The following NAALADL2 variants were observed in gnomAD, a reference collection of about 807,000 sequenced individuals.
NAALADL2 encodes the protein N-acetylated alpha-linked acidic dipeptidase like 2.
A neutral mutation model predicts 87.2 loss-of-function variants in NAALADL2; 76 were observed. The observed-to-expected ratio is 0.87, with a 90% CI of 0.72 to 1.05. The LOEUF (loss-of-function observed/expected upper bound fraction) is 1.05. Among genes scored for constraint, NAALADL2 ranks in the 50% least tolerant of loss-of-function variants. The pLI is 0.00. For missense variants in NAALADL2, 1,089 were observed against 945.8 expected (o/e 1.15, Z -1.99); for synonymous variants, 354 against 331.0 (o/e 1.07, Z -0.75).
intron 12 of NAALADL2, among the ~76,000 whole-genome samples, chr3:175,739,847 T>C (rs923266499): frequency 5.9e-5 from 9 of 152,192 alleles, no homozygotes; most frequent in Non-Finnish European, 1.5e-5. Flanking sequence ...AGCACTATGC[T>C]CAAACTAATA....
intron 1 of NAALADL2, among the ~76,000 whole-genome samples, chr3:175,031,126 T>G (rs1226532674): frequency 6.6e-6 from 1 of 152,062 alleles, no homozygotes; most frequent in Admixed American, 6.6e-5. Context: ...TTTTAAAATT[T>G]TTTATATTTC....
intron 10 of NAALADL2, among the ~76,000 whole-genome samples, chr3:175,594,650 C>T (rs1722005335): frequency 6.6e-6 from 1 of 152,104 alleles, no homozygotes; most frequent in African/African-American, 2.4e-5. Context: ...CTTTTGTCTG[C>T]ATTTTTGCCA....
intron 3 of NAALADL2, among the ~76,000 whole-genome samples, chr3:174,804,868 A>T (rs951771397): frequency 2.0e-5 from 3 of 152,170 alleles, no homozygotes; most frequent in Admixed American, 2.0e-4. Flanking sequence ...AGTAAAATTA[A>T]ACAAGATGTT....
rs1734938893 is a variant in NAALADL2 at position 174,920,033 on chromosome 3, CTAT to C, written c.43+60584_43+60586del. On this transcript the variant is annotated intron_variant, in intron 1 of 13. Coordinates refer to ENST00000454872, the MANE Select transcript of NAALADL2 (RefSeq NM_207015.3). ...GGCTTGAAATATTCAGTAGACCATG[CTAT>C]AAACATGTATGCTATCATTCAGGCC... Among the ~76,000 whole-genome samples, 6 of 152,272 alleles carry C rather than the reference CTAT, an allele frequency of 3.9e-5. No individual in the cohort carries two copies. The South Asian group carries it at 1.2e-3, about 32-fold the overall frequency.
intron 11 of NAALADL2, among the ~76,000 whole-genome samples, chr3:175,628,958 A>T (rs1440073751): frequency 6.6e-6 from 1 of 150,652 alleles, no homozygotes; most frequent in African/African-American, 2.4e-5. Context: ...TACATTTATT[A>T]TGTTTGGCAA....
chr3:175,520,984 A>T (rs1732576779), intron 9 of NAALADL2, among the ~76,000 whole-genome samples: 1 of 152,142 alleles, frequency 6.6e-6, no homozygotes. Context: ...TGAGAGAGAG[A>T]TGATTGTCTG....
At chr3:175,306,058 A>G (rs1211340001) in intron 4 of NAALADL2, among the ~76,000 whole-genome samples, 6 of 151,630 alleles carry the variant, frequency 4.0e-5, no homozygotes, top group African/African-American at 1.5e-4. Flanking sequence ...TAATTTATCT[A>G]TTTTCTTTTA....
chr3:175,742,054 C>A (rs1745297557), intron 12 of NAALADL2, among the ~76,000 whole-genome samples: 1 of 152,152 alleles, frequency 6.6e-6, no homozygotes, highest in Non-Finnish European at 1.5e-5. Flanking sequence ...ACTCAATTCA[C>A]AATTTACAGG....
chr3:175,548,453 C>A (rs577222843), intron 9 of NAALADL2, among the ~76,000 whole-genome samples: 1 of 151,892 alleles, frequency 6.6e-6, no homozygotes, highest in Admixed American at 6.6e-5. Context: ...CTAATGGGTA[C>A]CAGGCTTAAT....
chr3:175,324,639 G>A (rs1354364031), intron 5 of NAALADL2, among the ~76,000 whole-genome samples: 2 of 152,160 alleles, frequency 1.3e-5, no homozygotes, highest in Non-Finnish European at 2.9e-5. Context: ...AGGTACTCCA[G>A]GTAAGCCAAT....
At chr3:175,751,160 G>A (rs1290902389) in intron 12 of NAALADL2, among the ~76,000 whole-genome samples, 2 of 152,078 alleles carry the variant, frequency 1.3e-5, no homozygotes, top group Admixed American at 6.5e-5. Context: ...TTCACCAGGA[G>A]CAGTGATCTA....
chr3:175,129,514 C>G (rs1354542761), intron 2 of NAALADL2, among the ~76,000 whole-genome samples: 2 of 152,176 alleles, frequency 1.3e-5, no homozygotes, highest in Non-Finnish European at 2.9e-5. Context: ...ATTCTATACT[C>G]TGCTTTTATG....
intron 2 of NAALADL2, among the ~76,000 whole-genome samples, chr3:174,647,965 G>A (rs1471285005): frequency 1.3e-5 from 2 of 152,124 alleles, no homozygotes; most frequent in African/African-American, 4.8e-5. Context: ...ATTTAAAAAT[G>A]CATTTTCCTA....
At chr3:174,445,558 G>C (rs1239549570) in intron 1 of NAALADL2, among the ~76,000 whole-genome samples, 5 of 152,000 alleles carry the variant, frequency 3.3e-5, no homozygotes, top group Admixed American at 3.3e-4. Flanking sequence ...AAATAGATGA[G>C]ACAGCTATAC....
At chr3:175,127,336 A>G (rs1170471634) in intron 2 of NAALADL2, among the ~76,000 whole-genome samples, 1 of 152,128 alleles carries the variant, frequency 6.6e-6, no homozygotes, top group Non-Finnish European at 1.5e-5. Flanking sequence ...TTCTTCTCCT[A>G]TAAGGTATCC....
intron 11 of NAALADL2, chr3:175,655,339 G>T: frequency 5.9e-6 from 1 of 168,860 alleles, no homozygotes; most frequent in Non-Finnish European, 1.3e-5. Context: ...TAATTTTCTT[G>T]CTATTTCTAA....
intron 2 of NAALADL2, among the ~76,000 whole-genome samples, chr3:174,663,794 C>T (rs377725238): frequency 5.6e-5 from 8 of 142,692 alleles, no homozygotes; most frequent in South Asian, 2.2e-4. Flanking sequence ...TTTTTTTTTT[C>T]TTTTTTTTTT....
intron 5 of NAALADL2, among the ~76,000 whole-genome samples, chr3:175,355,159 C>T (rs912044469): frequency 6.6e-6 from 1 of 151,390 alleles, no homozygotes; most frequent in African/African-American, 2.4e-5. Flanking sequence ...GCTCCTGCCT[C>T]CTGGGTTCAA....
intron 1 of NAALADL2, among the ~76,000 whole-genome samples, chr3:174,881,025 GTTC>G (rs1279562697): frequency 6.6e-6 from 1 of 151,940 alleles, no homozygotes; most frequent in Non-Finnish European, 1.5e-5. Flanking sequence ...CTCTCCTTCT[GTTC>G]TTCTCTTTTA....
Sources: gnomAD v4.1 joint callset for allele counts (sites outside exome capture counted in the v4.1 genomes callset) on GRCh38, gnomAD v4.1.1 for gene constraint, MANE v1.5 for transcripts, NCBI Gene and HGNC (gene_info 2026-07-23, HGNC 2026-07-21) for gene names.